The following APOB variants were observed in gnomAD, a reference collection of about 807,000 sequenced individuals.
APOB encodes the protein apolipoprotein B.
In APOB, 153 loss-of-function variants were observed where a neutral mutation model predicts 314.1. That is an observed-to-expected ratio of 0.49 (90% CI 0.43 to 0.56). The LOEUF (loss-of-function observed/expected upper bound fraction) is 0.56, where lower values mean the gene tolerates loss of function less well. Ranked by LOEUF, APOB falls within the 20% of genes least tolerant of loss-of-function variation. The pLI, the probability that APOB is intolerant of heterozygous loss-of-function variation, is 0.00. For missense variants in APOB, 5,430 were observed against 5,350.7 expected, an observed-to-expected ratio of 1.01 and a Z score of -0.46; for synonymous variants, 2,087 against 2,036.4, an observed-to-expected ratio of 1.02 and a Z score of -0.67.
rs375828269 is a variant in APOB at position 21,007,783 on chromosome 2, C to A, written c.9085G>T (p.Val3029Phe). Residue 3029 changes from valine (V) to phenylalanine (F), a missense_variant, in exon 26 of 29, where the codon GTT (valine) becomes TTT (phenylalanine). Around this residue, in one of 3 missense-constraint regions of APOB, gnomAD observed 3,281 missense variants for 3,171.0 expected, o/e 1.03. Coordinates refer to ENST00000233242, the MANE Select transcript of APOB (RefSeq NM_000384.3). ...GRHDAHLNGKVIGTLKNSLFF... is the reference protein window; with the variant it reads ...GRHDAHLNGKFIGTLKNSLFF... ...AGAGAATTTTTCAAAGTTCCAATAA[C>A]CTTTCCATTTAAATGAGCATCATGC... 1.2e-6 allele frequency: 2 copies of A among 1,613,924 alleles called. No individual in the cohort carries two copies. Among genetic ancestry groups the A allele is most frequent in the African/African-American group, 1.3e-5 (1 of 74,910 alleles).
chr2:21,027,373 G>A (rs1035664721), intron 14 of APOB, among the ~76,000 whole-genome samples: 9 of 146,760 alleles, frequency 6.1e-5, no homozygotes, highest in East Asian at 2.0e-4. Context: ...GCGCAGTGGC[G>A]CAATCTCTCG....
In APOB at chr2:21,029,982, C is replaced by T. The variant is rs1553386360; in HGVS notation, c.1386G>A (p.Glu462=). Residue 462 remains glutamate, a synonymous_variant, in exon 11 of 29, where the codon GAG becomes GAA. Transcript: ENST00000233242. ...YHKTNPTGTQ[E]LLDIANYLME... is the part of the protein sequence containing the mutation. ...TCAGGTAATTAGCAATGTCCAGCAG[C>T]TCCTGGGTCCCTGTAGGGTTTGTCT... 1 of 1,613,850 alleles carries T rather than the reference C, an allele frequency of 6.2e-7. No individual in the cohort carries two copies. Among genetic ancestry groups the T allele is most frequent in the Non-Finnish European group, 8.5e-7 (1 of 1,179,720 alleles).
chr2:21,020,818 T>A (rs189078395), intron 18 of APOB, among the ~76,000 whole-genome samples: 1 of 152,218 alleles, frequency 6.6e-6, no homozygotes, highest in Non-Finnish European at 1.5e-5. Context: ...CGCCTACCCA[T>A]GGGGTGATCT....
Position 21,012,005 on chromosome 2 carries a change from G to C in APOB, c.4863C>G (p.Ser1621=). 1 of 1,614,076 alleles carries C rather than the reference G, an allele frequency of 6.2e-7. No individual in the cohort carries two copies. The highest frequency in any genetic ancestry group is 8.5e-7 in the Non-Finnish European group (1 of 1,180,014). ...FFSLLSGSLN[S]HGLELNADIL... Reference sequence around the variant, plus strand: ...TGTCAGCATTTAACTCAAGACCATGGGAATTTAGTGATCCAGAAAGCAGGC... The same window carrying C: ...TGTCAGCATTTAACTCAAGACCATGCGAATTTAGTGATCCAGAAAGCAGGC... Residue 1621 remains serine (S), a synonymous_variant, in exon 26 of 29, where the codon TCC becomes TCG. Transcript: ENST00000233242.
Position 21,010,712 on chromosome 2 carries a change from A to G in APOB, c.6156T>C (p.Phe2052=). The G allele has an allele frequency of 6.2e-7, 1 of 1,614,052 alleles. No individual in the cohort carries two copies. The highest frequency in any genetic ancestry group is 1.1e-5 in the South Asian group (1 of 91,064). The part of the protein sequence containing the change: ...MRDAVEKPQE[F]TIVAFVKYDK... ...CATACTTTACAAAAGCAACAATTGT[A>G]AATTCTTGGGGCTTCTCAACGGCAT... Residue 2052 remains phenylalanine (F), a synonymous_variant, in exon 26 of 29, where the codon TTT becomes TTC. Coordinates refer to ENST00000233242, the MANE Select transcript of APOB (RefSeq NM_000384.3).
Position 21,004,288 on chromosome 2 carries a change from T to C in APOB, c.12068A>G (p.Asn4023Ser). The change falls in exon 28 of 29, where the codon AAC (asparagine) becomes AGC (serine). Residue 4023 changes from asparagine (N) to serine (S), a missense_variant. Around this residue, in one of 3 missense-constraint regions of APOB, gnomAD observed 3,281 missense variants for 3,171.0 expected, o/e 1.03. Coordinates refer to ENST00000233242, the MANE Select transcript of APOB (RefSeq NM_000384.3). ...MDEDDDFSKW[N>S]FYYSPQSSPD... ...ATTTACCTGAGGGCTGTAGTAGAAG[T>C]TCCATTTAGAAAAGTCGTCATCTTC... The C allele has an allele frequency of 6.2e-7, 1 of 1,613,982 alleles. No homozygotes were observed. The highest frequency in any genetic ancestry group is 2.2e-5 in the East Asian group (1 of 44,872).
rs765577976 is a variant in APOB, at chr2:21,006,961, C to G, written c.9907G>C (p.Glu3303Gln). The change falls in exon 26 of 29, where the codon GAG (glutamate) becomes CAG (glutamine). Residue 3303 changes from glutamate to glutamine, a missense_variant. This residue lies in a region of APOB where 3,281 missense variants were observed against 3,171.0 expected (regional missense o/e 1.03). Coordinates refer to ENST00000233242, the MANE Select transcript of APOB (RefSeq NM_000384.3). ...CTAGGGACATGAAGGACTGGCAGCT[C>G]TAATGATGGCAGGATTAATGTGTAT... ...PSYTLILPSL[E>Q]LPVLHVPRNL... 1 of 1,614,006 alleles carries G rather than the reference C, an allele frequency of 6.2e-7. No individual in the cohort carries two copies. Among genetic ancestry groups the G allele is most frequent in the Admixed American group, 1.7e-5 (1 of 60,000 alleles).
At chr2:21,043,292 C>T (rs12720799) in intron 2 of APOB, among the ~76,000 whole-genome samples, 4,026 of 152,118 alleles carry the variant, frequency 0.026, 148 homozygotes, top group East Asian at 0.08. Context: ...CCCTCCCCCG[C>T]CCCCAGGCTG....
chr2:21,016,350 G>A, intron 21 of APOB, 89 bp downstream of exon 21: 1 of 754,342 alleles, frequency 1.3e-6, no homozygotes, highest in South Asian at 1.4e-5. Context: ...GGGAGAACAT[G>A]GCTTGGTCAG....
rs769084073 is a variant in APOB at position 21,008,980 on chromosome 2, G to A, written c.7888C>T (p.Gln2630Ter). 6.2e-7 allele frequency: 1 copy of A among 1,614,004 alleles called. No individual in the cohort carries two copies. Residue 2630 changes from glutamine (Q) to a stop codon, truncating the protein, a stop_gained, in exon 26 of 29, where the codon CAG becomes TAG. Transcript: ENST00000233242. LOFTEE classifies it high-confidence loss of function. ...PLTDLRIPSVQINFKDLKNIK... is the reference protein window; with the variant it reads ...PLTDLRIPSV ...TTTTTTAAGTCTTTGAAGTTTATCT[G>A]AACTGATGGAATCCTCAAATCTGTT...
intron 3 of APOB, 92 bp downstream of exon 3, chr2:21,042,269 C>T (rs661665): frequency 2.2e-6 from 2 of 905,092 alleles, no homozygotes; most frequent in African/African-American, 3.3e-5. Flanking sequence ...TCAGTACACA[C>T]CCTCCGGGAA....
intron 14 of APOB, among the ~76,000 whole-genome samples, chr2:21,027,472 C>A (rs1415597040): frequency 6.6e-6 from 1 of 152,108 alleles, no homozygotes; most frequent in African/African-American, 2.4e-5. Flanking sequence ...TGCCACCACG[C>A]CCGGCTAATT....
Position 21,005,561 on chromosome 2 carries a change from T to C in APOB, c.11307A>G (p.Gln3769=). 1 of 1,614,038 alleles carries C rather than the reference T, an allele frequency of 6.2e-7. No homozygotes were observed. Among genetic ancestry groups the C allele is most frequent in the Non-Finnish European group, 8.5e-7 (1 of 1,179,972 alleles). Residue 3769 remains glutamine, a synonymous_variant, in exon 26 of 29, where the codon CAA becomes CAG. Coordinates refer to ENST00000233242, the MANE Select transcript of APOB (RefSeq NM_000384.3). ...ATGAAGTTCTCAGCTTCTTATAGAT[T>C]TGTATTTCTCTGAAGTCAAGTTTGC... is the stretch of plus-strand genomic sequence containing the variant. ...PSCKLDFREI[Q]IYKKLRTSSF... is the part of the protein sequence containing the mutation.
At chr2:21,041,245 G>A (rs1405706607) in intron 3 of APOB, among the ~76,000 whole-genome samples, 162 bp from the exon 4 acceptor site, 1 of 152,172 alleles carries the variant, frequency 6.6e-6, no homozygotes, top group Non-Finnish European at 1.5e-5. Flanking sequence ...ATGCCTCCTG[G>A]GTTCTCTGTG....
chr2:21,019,278 A>G (rs1663542715), intron 19 of APOB, among the ~76,000 whole-genome samples, 165 bp from the exon 20 acceptor site: 1 of 152,124 alleles, frequency 6.6e-6, no homozygotes, highest in Non-Finnish European at 1.5e-5. Context: ...CAGTCCTACA[A>G]GAACCCAAGG....
In APOB at chr2:21,038,249, A is replaced by G. The variant is rs1036365892; in HGVS notation, c.384-138T>C. ...TCTGACATCATTTATTTGTAAATATAGAATATAGCTACACATAGACATACA... is the reference window on the plus strand; with the variant it reads ...TCTGACATCATTTATTTGTAAATATGGAATATAGCTACACATAGACATACA... On this transcript the variant is annotated intron_variant, in intron 4 of 28. Coordinates refer to ENST00000233242, the MANE Select transcript of APOB (RefSeq NM_000384.3). 3 of 914,934 alleles carry G rather than the reference A, an allele frequency of 3.3e-6. No individual in the cohort carries two copies. The African/African-American group carries it at 4.9e-5, about 15-fold the overall frequency. The allele number at this position is 914,934 out of a possible 1,614,324, so 56.7% of individuals were successfully genotyped here.
intron 19 of APOB, 29 bp downstream of exon 19, chr2:21,019,694 T>A (rs1423654038): frequency 1.9e-6 from 3 of 1,611,094 alleles, no homozygotes; most frequent in East Asian, 4.5e-5. Context: ...GGTGAGAAAA[T>A]GCTGGGTCAG....
chr2:21,022,925 C>A lies in APOB; in HGVS notation c.2722G>T (p.Glu908Ter). 6.2e-7 allele frequency: 1 copy of A among 1,614,170 alleles called. No homozygotes were observed. The highest frequency in any genetic ancestry group is 8.5e-7 in the Non-Finnish European group (1 of 1,180,020). Residue 908 changes from glutamate (E) to a stop codon, truncating the protein, a stop_gained, in exon 18 of 29, where the codon GAG (glutamate) becomes TAG (stop). Transcript: ENST00000233242. LOFTEE classifies it high-confidence loss of function. ...GCAACATGAGCCTCCAGACCCGACTCGTGGAAGAAGTTGGTGTTCATCTGG... is the reference window on the plus strand; with the variant it reads ...GCAACATGAGCCTCCAGACCCGACTAGTGGAAGAAGTTGGTGTTCATCTGG... ...GVQMNTNFFHESGLEAHVALK... is the reference protein window; with the variant it reads ...GVQMNTNFFH
rs757222680 is a variant in APOB, at chr2:21,005,588, C to G, written c.11280G>C (p.Ser3760=). The change falls in exon 26 of 29, where the codon TCG becomes TCC. Residue 3760 remains serine (S), a synonymous_variant. Coordinates refer to ENST00000233242, the MANE Select transcript of APOB (RefSeq NM_000384.3). Reference sequence around the variant, plus strand: ...GTATTTCTCTGAAGTCAAGTTTGCACGATGGAACCTGAAGATCTGTAAATG... The same window carrying G: ...GTATTTCTCTGAAGTCAAGTTTGCAGGATGGAACCTGAAGATCTGTAAATG... The part of the protein sequence containing the change: ...HVPFTDLQVP[S]CKLDFREIQI... 6.2e-7 allele frequency: 1 copy of G among 1,613,986 alleles called. No homozygotes were observed. Among genetic ancestry groups the G allele is most frequent in the African/African-American group, 1.3e-5 (1 of 74,992 alleles).
Sources: allele counts gnomAD v4.1 joint callset (sites outside exome capture counted in the v4.1 genomes callset), GRCh38; gene constraint gnomAD v4.1.1; regional missense constraint gnomAD v4.1.1; transcripts MANE v1.5; gene names NCBI Gene and HGNC (gene_info 2026-07-23, HGNC 2026-07-21).